Variants in SLC25A26 observed in about 807,000 individuals in gnomAD.
SLC25A26 encodes the protein mitochondrial S-adenosylmethionine carrier protein.
Under a neutral mutation model 37.8 loss-of-function variants are expected in SLC25A26, and 36 were observed. The ratio of observed to expected loss-of-function variants is 0.95; its 90% confidence interval spans 0.73 to 1.26. The LOEUF is 1.26. Among genes scored for constraint, SLC25A26 ranks in the 50% most tolerant of loss-of-function variants. The pLI, the probability that SLC25A26 is intolerant of heterozygous loss-of-function variation, is 0.00. For missense variants in SLC25A26, 390 were observed against 331.1 expected (o/e 1.18, Z -1.38); for synonymous variants, 129 against 122.5 (o/e 1.05, Z -0.35).
chr3:66,282,900 A>G (rs1353937754), intron 5 of SLC25A26, among the ~76,000 whole-genome samples: 1 of 152,164 alleles, frequency 6.6e-6, no homozygotes, highest in Non-Finnish European at 1.5e-5. Context: ...CCATCACTAT[A>G]GTTTTTTCTG....
intron 1 of SLC25A26, among the ~76,000 whole-genome samples, chr3:66,201,524 T>C (rs1422477311): frequency 6.6e-6 from 1 of 152,048 alleles, no homozygotes; most frequent in Non-Finnish European, 1.5e-5. Flanking sequence ...TAAATAGAGA[T>C]GGGGTTTCAC....
At chr3:66,363,770 G>A (rs564649443) in intron 7 of SLC25A26, among the ~76,000 whole-genome samples, 1 of 152,136 alleles carries the variant, frequency 6.6e-6, no homozygotes, top group African/African-American at 2.4e-5. Flanking sequence ...GGTCATTTTT[G>A]TTGTTGTTGT....
chr3:66,193,905 G>A (rs964923773), intron 1 of SLC25A26, among the ~76,000 whole-genome samples: 1 of 152,192 alleles, frequency 6.6e-6, no homozygotes, highest in Non-Finnish European at 1.5e-5. Flanking sequence ...TCAGAAACAA[G>A]TCTCTAATTC....
intron 6 of SLC25A26, among the ~76,000 whole-genome samples, chr3:66,356,795 T>G (rs2076586551): frequency 6.6e-6 from 1 of 152,088 alleles, no homozygotes; most frequent in South Asian, 2.1e-4. Flanking sequence ...GTCTGGCTAA[T>G]TTTTAAATTT....
At chr3:66,286,705 G>C (rs771729636) in intron 5 of SLC25A26, among the ~76,000 whole-genome samples, 21 of 152,028 alleles carry the variant, frequency 1.4e-4, no homozygotes, top group Non-Finnish European at 2.5e-4. Flanking sequence ...TCGAGACAAG[G>C]GTGTTGCTCT....
At position 66,243,314 on chromosome 3, in the gene SLC25A26, TA is replaced by T. The variant is rs1185163519; in HGVS notation, c.300+4del. ...TTGGCTGCCTCTGCTGGAGAAGTGG[TA>T]AGTAACAAGTTTTGTGTATAAAATA... On this transcript the variant is annotated splice_donor_region_variant and intron_variant, in intron 3 of 9. Transcript: ENST00000354883. 1 of 1,525,890 alleles carries T rather than the reference TA, an allele frequency of 6.6e-7. No homozygotes were observed. Among genetic ancestry groups the T allele is most frequent in the East Asian group, 2.3e-5 (1 of 44,188 alleles). The allele number at this position is 1,525,890 out of a possible 1,614,324, so 94.5% of individuals were successfully genotyped here. A position where few individuals can be genotyped will look rare whatever the true frequency, so the allele number is the denominator to read the frequency against.
intron 2 of SLC25A26, among the ~76,000 whole-genome samples, chr3:66,239,036 T>A (rs1468054630): frequency 6.6e-6 from 1 of 152,234 alleles, no homozygotes; most frequent in Non-Finnish European, 1.5e-5. Context: ...GAAGGGTCCT[T>A]GTCATAAAGG....
intron 5 of SLC25A26, among the ~76,000 whole-genome samples, chr3:66,321,237 T>C (rs6788789): frequency 0.05 from 7,564 of 152,274 alleles, 598 homozygotes; most frequent in African/African-American, 0.17. Context: ...GCTTAGAATC[T>C]GTGTTTTAAC....
chr3:66,254,345 C>T (rs2073217557), intron 3 of SLC25A26, among the ~76,000 whole-genome samples: 1 of 152,134 alleles, frequency 6.6e-6, no homozygotes, highest in Non-Finnish European at 1.5e-5. Context: ...TTGGGAATTA[C>T]AAAGAGAATG....
At chr3:66,319,906 A>G (rs2075648605) in intron 5 of SLC25A26, among the ~76,000 whole-genome samples, 1 of 151,798 alleles carries the variant, frequency 6.6e-6, no homozygotes, top group Admixed American at 6.6e-5. Flanking sequence ...GGCACACACC[A>G]CCACGCCTGG....
At chr3:66,163,308 T>A (rs1051477229) in intron 1 of SLC25A26, among the ~76,000 whole-genome samples, 1 of 152,200 alleles carries the variant, frequency 6.6e-6, no homozygotes, top group African/African-American at 2.4e-5. Context: ...TGTTGTCGTT[T>A]CAAGAGATAG....
intron 1 of SLC25A26, among the ~76,000 whole-genome samples, chr3:66,228,021 A>G (rs946070163): frequency 3.9e-5 from 6 of 152,322 alleles, no homozygotes; most frequent in Non-Finnish European, 7.3e-5. Flanking sequence ...ATTGAGAATT[A>G]TGCTTCTCTT....
At chr3:66,247,706 C>A (rs2072913123) in intron 3 of SLC25A26, among the ~76,000 whole-genome samples, 1 of 152,212 alleles carries the variant, frequency 6.6e-6, no homozygotes, top group Non-Finnish European at 1.5e-5. Flanking sequence ...GGTTCTGATG[C>A]TCTAATAATC....
rs139425127 is a variant in SLC25A26, at chr3:66,336,057, C to T, written c.454-10307C>T. ...CTAATTGTAATTTTGCGTAAATGCACAGAGGATGTATCTATACAAATGATT... is the reference window on the plus strand; with the variant it reads ...CTAATTGTAATTTTGCGTAAATGCATAGAGGATGTATCTATACAAATGATT... On this transcript the variant is annotated intron_variant, in intron 5 of 9. Transcript: ENST00000354883. 3.6e-3 allele frequency among the ~76,000 whole-genome samples: 549 copies of T among 152,234 alleles called. 5 individuals carry two copies. Among genetic ancestry groups the T allele is most frequent in the Non-Finnish European group, 4.7e-3 (318 of 68,018 alleles).
At chr3:66,377,585 A>G (rs1700746656) in intron 9 of SLC25A26, 105 bp from the exon 10 acceptor site, 2 of 796,562 alleles carry the variant, frequency 2.5e-6, no homozygotes, top group South Asian at 1.6e-5. Context: ...TTTGGTAGTT[A>G]GCCACTAATG....
intron 1 of SLC25A26, 34 bp downstream of exon 1, chr3:66,221,161 G>A: frequency 6.7e-7 from 1 of 1,498,468 alleles, no homozygotes; most frequent in Non-Finnish European, 8.8e-7. Context: ...GTTGCTCAGA[G>A]TGCCGGCGTC....
At chr3:66,295,180 A>G (rs2074855432) in intron 5 of SLC25A26, among the ~76,000 whole-genome samples, 1 of 152,126 alleles carries the variant, frequency 6.6e-6, no homozygotes, top group Non-Finnish European at 1.5e-5. Context: ...TATTCAGTAT[A>G]TATGATTTTG....
At chr3:66,300,387 A>C (rs535508588) in intron 5 of SLC25A26, among the ~76,000 whole-genome samples, 1 of 152,020 alleles carries the variant, frequency 6.6e-6, no homozygotes, top group South Asian at 2.1e-4. Context: ...GACATTGGCA[A>C]TATGATTTGA....
chr3:66,136,740 T>G (rs995974891), intron 1 of SLC25A26, among the ~76,000 whole-genome samples: 14 of 152,356 alleles, frequency 9.2e-5, no homozygotes, highest in African/African-American at 3.4e-4. Flanking sequence ...GTACTGTGTT[T>G]TCAAAGCCTC....
Sources: gnomAD v4.1 joint callset for allele counts (sites outside exome capture counted in the v4.1 genomes callset) on GRCh38, gnomAD v4.1.1 for gene constraint, MANE v1.5 for transcripts, NCBI Gene and HGNC (gene_info 2026-07-23, HGNC 2026-07-21) for gene names.